The following FLG variants were observed in gnomAD, a reference collection of about 807,000 sequenced individuals.
The protein encoded by FLG is epidermal filaggrin.
In FLG, 6 loss-of-function variants were observed where a neutral mutation model predicts 3.8. The observed-to-expected ratio is 1.60, with a 90% CI of 0.87 to 3.15. The LOEUF (loss-of-function observed/expected upper bound fraction) is 3.15. FLG is among the 30% of genes most tolerant of loss of function. FLG has a pLI of 0.00. For synonymous variants in FLG, 2,551 were observed against 1,931.6 expected (o/e 1.32, Z -8.41); for missense variants, 7,595 against 5,050.9 (o/e 1.50, Z -15.27).
chr1:152,323,991 G>T, intron 1 of FLG, among the ~76,000 whole-genome samples: 1 of 151,774 alleles, frequency 6.6e-6, no homozygotes, highest in East Asian at 1.9e-4. Flanking sequence ...GGCAGAGAGG[G>T]GGATAAATGG....
In FLG at chr1:152,310,619, G is replaced by T. The variant is rs375084109; in HGVS notation, c.4267C>A (p.His1423Asn). ...HGQAGPHQQS[H>N]KESARGQSGE... ...GACTGGCCACGTGCGGACTCTTTGT[G>T]GCTCTGCTGATGGGGCCCAGCTTGT... Residue 1423 changes from histidine (H) to asparagine (N), a missense_variant, in exon 3 of 3, where the codon CAC (histidine) becomes AAC (asparagine). Physicochemically the swap from His to Asn is moderately conservative, Grantham distance 68. Transcript: ENST00000368799. 2 of 1,614,004 alleles carry T rather than the reference G, an allele frequency of 1.2e-6. No individual in the cohort carries two copies. The highest frequency in any genetic ancestry group is 1.7e-6 in the Non-Finnish European group (2 of 1,180,008).
chr1:152,322,584 T>C (rs1276513760), intron 1 of FLG, among the ~76,000 whole-genome samples: 1 of 150,918 alleles, frequency 6.6e-6, no homozygotes, highest in East Asian at 1.9e-4. Context: ...CAGAATATTA[T>C]AAAAGTTGAG....
In FLG at chr1:152,302,716, T is replaced by C. The variant is rs1651684179; in HGVS notation, c.12170A>G (p.Tyr4057Cys). The C allele has an allele frequency of 6.2e-7, 1 of 1,613,346 alleles. No homozygotes were observed. The highest frequency in any genetic ancestry group is 8.5e-7 in the Non-Finnish European group (1 of 1,179,426). ...KQLGFSQSQRYYYYE is the reference protein window; with the variant it reads ...KQLGFSQSQRCYYYE Reference sequence around the variant, plus strand: ...ATTAATTTCTTACTCATAGTAATAGTATCTCTGTGACTGACTAAATCCCAG... The same window carrying C: ...ATTAATTTCTTACTCATAGTAATAGCATCTCTGTGACTGACTAAATCCCAG... Residue 4057 changes from tyrosine (Y) to cysteine (C), a missense_variant, in exon 3 of 3, where the codon TAC becomes TGC. Transcript: ENST00000368799.
chr1:152,309,825 C>G lies in FLG; in HGVS notation c.5061G>C (p.Gln1687His), dbSNP rs1557877049. 2 of 1,614,094 alleles carry G rather than the reference C, an allele frequency of 1.2e-6. No homozygotes were observed. The highest frequency in any genetic ancestry group is 3.3e-5 in the Admixed American group (2 of 60,018). ...PGERHGSRHQ[Q>H]SADSSTDSGT... is the part of the protein sequence containing the mutation. ...CTGAGTCTGTGGAGCTGTCTGCTGA[C>G]TGCTGGTGGCGGGATCCATGTCTTT... Residue 1687 changes from glutamine (Q) to histidine (H), a missense_variant, in exon 3 of 3, where the codon CAG (glutamine) becomes CAC (histidine). Transcript: ENST00000368799.
Position 152,304,663 on chromosome 1 carries a change from C to G in FLG, c.10223G>C (p.Gly3408Ala), listed in dbSNP as rs753174398. Reference sequence around the variant, plus strand: ...CTCGTGGTGGGATCCTTGTCTTCGTCCAGTGCTGGTCCTGGTCCGCCCATG... The same window carrying G: ...CTCGTGGTGGGATCCTTGTCTTCGTGCAGTGCTGGTCCTGGTCCGCCCATG... ...SAHGRTRTSTGRRQGSHHEQA... is the reference protein window; with the variant it reads ...SAHGRTRTSTARRQGSHHEQA... The change falls in exon 3 of 3, where the codon GGA becomes GCA. Residue 3408 changes from glycine to alanine, a missense_variant. Transcript: ENST00000368799. 14 of 1,611,956 alleles carry G rather than the reference C, an allele frequency of 8.7e-6. 1 individual carries two copies. Among genetic ancestry groups the G allele is most frequent in the Middle Eastern group, 1.7e-4 (1 of 6,046 alleles).
Position 152,316,202 on chromosome 1 carries a change from A to G in FLG, c.-21-725T>C, listed in dbSNP as rs147001995. Reference sequence around the variant, plus strand: ...ACCAGGTGAAACTAAAATACTGTAGAAAACAATGTGAAGGAGATTACTGTA... The same window carrying G: ...ACCAGGTGAAACTAAAATACTGTAGGAAACAATGTGAAGGAGATTACTGTA... On this transcript the variant is annotated intron_variant, in intron 1 of 2. Coordinates refer to ENST00000368799, the MANE Select transcript of FLG (RefSeq NM_002016.2). 4.4e-3 allele frequency among the ~76,000 whole-genome samples: 672 copies of G among 152,294 alleles called. 10 individuals are homozygous for G. Among genetic ancestry groups the G allele is most frequent in the Admixed American group, 0.038 (575 of 15,296 alleles).
At position 152,304,267 on chromosome 1, in the gene FLG, C is replaced by T. The variant is rs1281355725; in HGVS notation, c.10619G>A (p.Ser3540Asn). The T allele has an allele frequency of 1.2e-6, 2 of 1,613,150 alleles. No individual in the cohort carries two copies. Among genetic ancestry groups the T allele is most frequent in the African/African-American group, 1.3e-5 (1 of 74,806 alleles). ...RTSRNQGSSV[S>N]QDSDSQGHSE... ...GTGTCCCTGACTGTCACTGTCCTGG[C>T]TAACACTGGATCCCTGGTTCCTGCT... is the stretch of plus-strand genomic sequence containing the variant. The change falls in exon 3 of 3, where the codon AGC becomes AAC. Residue 3540 changes from serine (S) to asparagine (N), a missense_variant. Coordinates refer to ENST00000368799, the MANE Select transcript of FLG (RefSeq NM_002016.2).
rs759552969 is a variant in FLG, at chr1:152,303,464, T to C, written c.11422A>G (p.Ser3808Gly). ...TCATTACGTGTTTCTCTGCTTGCAC[T>C]TCTGGATCCTGACTGCCCATGGGAG... The part of the protein sequence containing the change: ...DASHGQSGSR[S>G]ASRETRNEEQ... Residue 3808 changes from serine (S) to glycine (G), a missense_variant, in exon 3 of 3, where the codon AGT becomes GGT. Transcript: ENST00000368799. 2 of 1,614,132 alleles carry C rather than the reference T, an allele frequency of 1.2e-6. No homozygotes were observed. The highest frequency in any genetic ancestry group is 1.7e-6 in the Non-Finnish European group (2 of 1,180,010).
Position 152,303,927 on chromosome 1 carries a change from G to A in FLG, c.10959C>T (p.Asp3653=). The A allele has an allele frequency of 2.5e-6, 4 of 1,613,910 alleles. No individual in the cohort carries two copies. The highest frequency in any genetic ancestry group is 3.4e-6 in the Non-Finnish European group (4 of 1,180,004). ...GHGQASSAVR[D]SGHRGSSGSQ... is the part of the protein sequence containing the mutation. The stretch of plus-strand genomic sequence containing the variant: ...TACCACTGGACCCTCGGTGTCCACT[G>A]TCTCTGACTGCAGATGAAGCTTGTC... Residue 3653 remains aspartate, a synonymous_variant, in exon 3 of 3, where the codon GAC becomes GAT. Transcript: ENST00000368799.
rs778053862 is a variant in FLG at position 152,303,839 on chromosome 1, C to T, written c.11047G>A (p.Gly3683Arg). 6.6e-5 allele frequency: 106 copies of T among 1,613,688 alleles called. No homozygotes were observed. Among genetic ancestry groups the T allele is most frequent in the African/African-American group, 1.1e-4 (8 of 74,864 alleles). The change falls in exon 3 of 3, where the codon GGA (glycine) becomes AGA (arginine). Residue 3683 changes from glycine (G) to arginine (R), a missense_variant. Coordinates refer to ENST00000368799, the MANE Select transcript of FLG (RefSeq NM_002016.2). ...CTCTGCTGATGGGGCCCAGCCTGTC[C>T]GTGGGCTGACACTGACTGTGTGTCT... Reference protein sequence around the residue: ...DSDTQSVSAHGQAGPHQQSHQ... With the variant: ...DSDTQSVSAHRQAGPHQQSHQ...
Position 152,311,576 on chromosome 1 carries a change from G to T in FLG, c.3310C>A (p.Arg1104Ser), listed in dbSNP as rs772211453. The T allele has an allele frequency of 2.5e-6, 4 of 1,614,032 alleles. No homozygotes were observed. The highest frequency in any genetic ancestry group is 2.2e-5 in the East Asian group (1 of 44,828). ...CCAGACCTTCCCCCTGACCAGTCAC[G>T]TGCGGACTCTTGGTGGCTCTGCTGA... ...PHQQSHQESA[R>S]DWSGGRSGRS... The change falls in exon 3 of 3, where the codon CGT (arginine) becomes AGT (serine). Residue 1104 changes from arginine to serine, a missense_variant. Arg to Ser is a moderately radical substitution (Grantham distance 110). Coordinates refer to ENST00000368799, the MANE Select transcript of FLG (RefSeq NM_002016.2).
chr1:152,303,553 A>G lies in FLG; in HGVS notation c.11333T>C (p.Val3778Ala). 1 of 1,613,688 alleles carries G rather than the reference A, an allele frequency of 6.2e-7. No individual in the cohort carries two copies. The highest frequency in any genetic ancestry group is 8.5e-7 in the Non-Finnish European group (1 of 1,179,954). ...GRQGSYHEQS[V>A]DRSGHSGSHH... The stretch of plus-strand genomic sequence containing the variant: ...GGACCCTGAGTGTCCAGACCTATCT[A>G]CCGATTGCTCGTGGTAGGATCCCTG... Residue 3778 changes from valine (V) to alanine (A), a missense_variant, in exon 3 of 3, where the codon GTA (valine) becomes GCA (alanine). Physicochemically the swap from Val to Ala is moderately conservative, Grantham distance 64. Transcript: ENST00000368799.
rs766473806 is a variant in FLG at position 152,309,152 on chromosome 1, T to C, written c.5734A>G (p.Arg1912Gly). The change falls in exon 3 of 3, where the codon AGG becomes GGG. Residue 1912 changes from arginine to glycine, a missense_variant. Coordinates refer to ENST00000368799, the MANE Select transcript of FLG (RefSeq NM_002016.2). Reference sequence around the variant, plus strand: ...TGGCTAACACTGGATCCCTGGTTCCTGCTTGTCCTGGGCCCTGATGATTGT... The same window carrying C: ...TGGCTAACACTGGATCCCTGGTTCCCGCTTGTCCTGGGCCCTGATGATTGT... The part of the protein sequence containing the change: ...QGQSSGPRTS[R>G]NQGSSVSQDS... 3 of 1,613,528 alleles carry C rather than the reference T, an allele frequency of 1.9e-6. No individual in the cohort carries two copies. In the African/African-American group the frequency reaches 4.0e-5, roughly 22 times the overall value.
intron 2 of FLG, chr1:152,315,049 T>A: frequency 4.9e-6 from 2 of 404,462 alleles, no homozygotes; most frequent in South Asian, 4.7e-5. Context: ...GTAATGTTGA[T>A]GTTTGGGAGA....
chr1:152,310,439 G>A lies in FLG; in HGVS notation c.4447C>T (p.Gln1483Ter), dbSNP rs547750140. ...CCACGAATGGTGTCCTGACCGTCTT[G>A]GGATGCTGAGTGCCTAGAGCTGTTT... ...ARNSSRHSASQDGQDTIRGHP... is the reference protein window; with the variant it reads ...ARNSSRHSAS Residue 1483 changes from glutamine (Q) to a stop codon, truncating the protein, a stop_gained, in exon 3 of 3, where the codon CAA becomes TAA. Transcript: ENST00000368799. LOFTEE classifies it low-confidence loss of function (END_TRUNC). The A allele has an allele frequency of 6.2e-7, 1 of 1,613,388 alleles. No individual in the cohort carries two copies. Among genetic ancestry groups the A allele is most frequent in the Admixed American group, 1.7e-5 (1 of 59,932 alleles).
Position 152,314,062 on chromosome 1 carries a change from C to T in FLG, c.824G>A (p.Arg275Lys). 6.2e-7 allele frequency: 1 copy of T among 1,614,190 alleles called. No individual in the cohort carries two copies. The change falls in exon 3 of 3, where the codon AGA (arginine) becomes AAA (lysine). Residue 275 changes from arginine to lysine, a missense_variant. Arg to Lys is a conservative substitution (Grantham distance 26, BLOSUM62 2). Coordinates refer to ENST00000368799, the MANE Select transcript of FLG (RefSeq NM_002016.2). ...TGGTACCTGGCTTGTATTTTCATGT[C>T]TTGACCTGTTCACTTGAGATGATGA... ...GKSSSQVNRS[R>K]HENTSQVPLQ...
In FLG at chr1:152,308,672, G is replaced by C; in HGVS notation, c.6214C>G (p.His2072Asp). 2 of 1,614,142 alleles carry C rather than the reference G, an allele frequency of 1.2e-6. No homozygotes were observed. The highest frequency in any genetic ancestry group is 3.3e-4 in the Middle Eastern group (2 of 6,060). The change falls in exon 3 of 3, where the codon CAC (histidine) becomes GAC (aspartate). Residue 2072 changes from histidine to aspartate, a missense_variant. Physicochemically the swap from His to Asp is moderately conservative, Grantham distance 81 (BLOSUM62 -1). Coordinates refer to ENST00000368799, the MANE Select transcript of FLG (RefSeq NM_002016.2). The stretch of plus-strand genomic sequence containing the variant: ...GACTGGCCACGTGCGGACTCTTTGT[G>C]GCTCTGCTGATGGGGCCCAGCTTTT... ...QGKAGPHQQS[H>D]KESARGQSGE...
chr1:152,311,789 G>A lies in FLG; in HGVS notation c.3097C>T (p.His1033Tyr), dbSNP rs769374040. ...EQARSSPGER[H>Y]GSRHQQSADS... ...GCTGACTGCTGGTGGCGGGATCCGT[G>A]TCTTTCTCCTGGACTTGATCTTGCC... Residue 1033 changes from histidine to tyrosine, a missense_variant, in exon 3 of 3, where the codon CAC (histidine) becomes TAC (tyrosine). By Grantham distance (83) the His-to-Tyr change is moderately conservative. Transcript: ENST00000368799. 5.6e-6 allele frequency: 9 copies of A among 1,614,120 alleles called. No individual in the cohort carries two copies. Among genetic ancestry groups the A allele is most frequent in the South Asian group, 2.2e-5 (2 of 91,062 alleles).
In FLG at chr1:152,307,192, G is replaced by T. The variant is rs182787187; in HGVS notation, c.7694C>A (p.Ser2565Tyr). The T allele has an allele frequency of 2.5e-6, 4 of 1,612,740 alleles. No individual in the cohort carries two copies. The highest frequency in any genetic ancestry group is 3.4e-6 in the Non-Finnish European group (4 of 1,179,952). Residue 2565 changes from serine (S) to tyrosine (Y), a missense_variant, in exon 3 of 3, where the codon TCC becomes TAC. Physicochemically the swap from Ser to Tyr is moderately radical, Grantham distance 144 (BLOSUM62 -2). Transcript: ENST00000368799. ...EGPRTSRNWG[S>Y]SFSQDSDSQG... ...ACTGTCACTGTCCTGGCTAAAACTGGATCCCCAGTTCCTGCTTGTCCTGGG... is the reference window on the plus strand; with the variant it reads ...ACTGTCACTGTCCTGGCTAAAACTGTATCCCCAGTTCCTGCTTGTCCTGGG...
Sources: gnomAD v4.1 joint callset for allele counts (sites outside exome capture counted in the v4.1 genomes callset) on GRCh38, gnomAD v4.1.1 for gene constraint, MANE v1.5 for transcripts, NCBI Gene and HGNC (gene_info 2026-07-23, HGNC 2026-07-21) for gene names.